Variants in REDIC1 observed in about 807,000 individuals in gnomAD.
REDIC1 encodes regulator of DNA class I crossover intermediates 1.
the REDIC1 span, among the ~76,000 whole-genome samples, chr12:39,804,225 T>C: frequency 2.0e-5 from 3 of 152,014 alleles, no homozygotes; most frequent in Non-Finnish European, 4.4e-5. Flanking sequence ...CAGGAAAATA[T>C]CAACAAAAAG....
the REDIC1 span, among the ~76,000 whole-genome samples, chr12:39,848,188 T>G: frequency 2.6e-5 from 4 of 152,142 alleles, no homozygotes; most frequent in East Asian, 3.9e-4. Context: ...GGGATCTAAT[T>G]AAACCTAAAA....
At chr12:39,677,040 A>C in the REDIC1 span, among the ~76,000 whole-genome samples, 5 of 143,652 alleles carry the variant, frequency 3.5e-5, no homozygotes, top group Non-Finnish European at 7.7e-5. Flanking sequence ...AAAAAAAAAA[A>C]CACCAAGATA....
the REDIC1 span, among the ~76,000 whole-genome samples, chr12:39,844,897 T>C: frequency 6.6e-6 from 1 of 152,066 alleles, no homozygotes; most frequent in Non-Finnish European, 1.5e-5. Context: ...AGAATACGCT[T>C]TAGAAATACT....
At chr12:39,741,138 C>T in the REDIC1 span, among the ~76,000 whole-genome samples, 1 of 152,062 alleles carries the variant, frequency 6.6e-6, no homozygotes, top group Non-Finnish European at 1.5e-5. Context: ...TAAACATGTC[C>T]TTAATTTAGA....
At chr12:39,663,138 AT>A in the REDIC1 span, among the ~76,000 whole-genome samples, 1 of 151,942 alleles carries the variant, frequency 6.6e-6, no homozygotes, top group Non-Finnish European at 1.5e-5. Flanking sequence ...GCTTCATATA[AT>A]GAGTTAGGAA....
chr12:39,769,810 T>A, the REDIC1 span, among the ~76,000 whole-genome samples: 1 of 152,038 alleles, frequency 6.6e-6, no homozygotes, highest in East Asian at 1.9e-4. Flanking sequence ...AAGTTTATAC[T>A]CACGAGCTCT....
chr12:39,726,146 T>TCCTCC, the REDIC1 span, among the ~76,000 whole-genome samples: 2 of 151,866 alleles, frequency 1.3e-5, no homozygotes, highest in Admixed American at 1.3e-4. Flanking sequence ...CCTCCTCCTC[T>TCCTCC]TCCTCCTCTT....
chr12:39,626,426 G>A, the REDIC1 span: 1 of 1,597,932 alleles, frequency 6.3e-7, no homozygotes, highest in South Asian at 1.1e-5. Flanking sequence ...CTAGTTCCTG[G>A]CGGAGAGGTC....
the REDIC1 span, among the ~76,000 whole-genome samples, chr12:39,655,002 C>A: frequency 1.3e-5 from 2 of 152,124 alleles, no homozygotes; most frequent in African/African-American, 2.4e-5. Flanking sequence ...ATCTAAGTTG[C>A]ATGATTTGTT....
the REDIC1 span, among the ~76,000 whole-genome samples, chr12:39,635,939 G>A: frequency 6.6e-6 from 1 of 152,024 alleles, no homozygotes; most frequent in African/African-American, 2.4e-5. Context: ...AAAATTAGTT[G>A]CCAAATTGCA....
the REDIC1 span, among the ~76,000 whole-genome samples, chr12:39,712,659 G>T: frequency 7.1e-6 from 1 of 141,746 alleles, no homozygotes; most frequent in East Asian, 2.1e-4. Flanking sequence ...ATGTATATAT[G>T]TATGTATACA....
At chr12:39,724,248 AC>A in the REDIC1 span, among the ~76,000 whole-genome samples, 1 of 152,174 alleles carries the variant, frequency 6.6e-6, no homozygotes, top group African/African-American at 2.4e-5. Flanking sequence ...CAAAGTATCC[AC>A]TGACCAGTAA....
chr12:39,859,116 C>T, the REDIC1 span, among the ~76,000 whole-genome samples: 1 of 152,048 alleles, frequency 6.6e-6, no homozygotes, highest in East Asian at 1.9e-4. Flanking sequence ...AAACCAGTGT[C>T]ACCACCATCT....
At chr12:39,753,533 A>C in the REDIC1 span, among the ~76,000 whole-genome samples, 1 of 152,186 alleles carries the variant, frequency 6.6e-6, no homozygotes, top group Admixed American at 6.5e-5. Context: ...GAAAGGAAGA[A>C]GGACATCAGG....
the REDIC1 span, among the ~76,000 whole-genome samples, chr12:39,702,197 T>C: frequency 2.6e-5 from 4 of 151,476 alleles, no homozygotes; most frequent in Non-Finnish European, 5.9e-5. Context: ...CTAGCAAGAC[T>C]AATAAAAAAA....
chr12:39,683,154 A>C, the REDIC1 span: 7 of 1,561,114 alleles, frequency 4.5e-6, no homozygotes, highest in Non-Finnish European at 6.0e-6. Flanking sequence ...GGTATTGTAC[A>C]TGGAAAATGT....
At chr12:39,653,533 C>CTTT in the REDIC1 span, among the ~76,000 whole-genome samples, 3,086 of 55,790 alleles carry the variant, frequency 0.055, 108 homozygotes, top group Non-Finnish European at 0.1. Context: ...TCTTCTTCTT[C>CTTT]TTCTTTTTCT....
chr12:39,868,422 A>G, the REDIC1 span, among the ~76,000 whole-genome samples: 3 of 152,216 alleles, frequency 2.0e-5, no homozygotes, highest in East Asian at 5.8e-4. Context: ...TTCCCTTCCC[A>G]TGACTCTACC....
chr12:39,846,478 C>T, the REDIC1 span, among the ~76,000 whole-genome samples: 1 of 152,262 alleles, frequency 6.6e-6, no homozygotes, highest in South Asian at 2.1e-4. Context: ...TTTTAGACAG[C>T]ATCTCACTCT....
Sources: gnomAD v4.1 joint callset for allele counts (sites outside exome capture counted in the v4.1 genomes callset) on GRCh38, gnomAD v4.1.1 for gene constraint, MANE v1.5 for transcripts, NCBI Gene and HGNC (gene_info 2026-07-23, HGNC 2026-07-21) for gene names.